The following SNTG2 variants were observed in gnomAD, a reference collection of about 807,000 sequenced individuals.
The protein encoded by SNTG2 is gamma-2-syntrophin.
SNTG2 carries 74 observed loss-of-function variants against 70.9 expected under a neutral mutation model. That is an observed-to-expected ratio of 1.04 (90% CI 0.86 to 1.27). SNTG2 has a LOEUF of 1.27. Among genes scored for constraint, SNTG2 ranks in the 50% most tolerant of loss-of-function variants. The probability of loss-of-function intolerance (pLI) is 0.00; values close to 1 mark genes in which losing one functional copy is unlikely to be tolerated. For missense variants in SNTG2, 717 were observed against 690.7 expected, an observed-to-expected ratio of 1.04 and a Z score of -0.43; for synonymous variants, 278 against 273.8, an observed-to-expected ratio of 1.02 and a Z score of -0.15.
intron 1 of SNTG2, among the ~76,000 whole-genome samples, chr2:1,023,914 G>A (rs1290902591): frequency 1.3e-5 from 2 of 152,216 alleles, no homozygotes; most frequent in African/African-American, 4.8e-5. Flanking sequence ...CCACGGATGA[G>A]CAACGTTACA....
chr2:1,287,587 C>T (rs929506156), intron 14 of SNTG2, among the ~76,000 whole-genome samples: 3 of 152,182 alleles, frequency 2.0e-5, no homozygotes, highest in South Asian at 2.1e-4. Flanking sequence ...CGGAGTGCTC[C>T]GTGCAGGTGG....
At chr2:990,196 C>G (rs1661444836) in intron 1 of SNTG2, among the ~76,000 whole-genome samples, 1 of 152,248 alleles carries the variant, frequency 6.6e-6, no homozygotes, top group Non-Finnish European at 1.5e-5. Context: ...GGCTGGACGT[C>G]CATGGCCATT....
chr2:1,177,423 A>T (rs887145874), intron 8 of SNTG2, among the ~76,000 whole-genome samples: 1 of 152,026 alleles, frequency 6.6e-6, no homozygotes, highest in African/African-American at 2.4e-5. Context: ...GCAAACCACC[A>T]TGGCACACGT....
At chr2:1,198,292 A>G (rs1020144069) in intron 8 of SNTG2, among the ~76,000 whole-genome samples, 4 of 152,150 alleles carry the variant, frequency 2.6e-5, no homozygotes, top group Non-Finnish European at 4.4e-5. Flanking sequence ...GGTAAAAAAC[A>G]TTATTGAAAC....
chr2:1,281,943 G>C (rs1228456605), intron 14 of SNTG2, among the ~76,000 whole-genome samples: 1 of 152,142 alleles, frequency 6.6e-6, no homozygotes, highest in African/African-American at 2.4e-5. Context: ...GCTCACGGCC[G>C]AGCCTTGTGA....
chr2:1,124,215 A>G (rs1203128353), intron 4 of SNTG2, among the ~76,000 whole-genome samples: 1 of 152,160 alleles, frequency 6.6e-6, no homozygotes, highest in African/African-American at 2.4e-5. Flanking sequence ...AAATCATAAC[A>G]TTATTTTTAC....
At chr2:1,062,262 G>C (rs13001971) in intron 1 of SNTG2, among the ~76,000 whole-genome samples, 26,924 of 152,136 alleles carry the variant, frequency 0.18, 2,456 homozygotes, top group South Asian at 0.22. Flanking sequence ...CCCACTCTCA[G>C]CCGTGCACCA....
intron 1 of SNTG2, among the ~76,000 whole-genome samples, chr2:1,037,382 C>T (rs894310867): frequency 6.6e-5 from 10 of 152,230 alleles, no homozygotes; most frequent in Admixed American, 1.3e-4. Flanking sequence ...CTGAGCCAGA[C>T]ATGGATTTAA....
chr2:1,144,822 C>T (rs899399443), intron 6 of SNTG2, among the ~76,000 whole-genome samples: 1 of 152,102 alleles, frequency 6.6e-6, no homozygotes, highest in African/African-American at 2.4e-5. Context: ...AGCTACAATC[C>T]AAGATGAGAT....
intron 15 of SNTG2, among the ~76,000 whole-genome samples, chr2:1,310,940 A>C (rs998898053): frequency 1.3e-5 from 2 of 152,356 alleles, no homozygotes; most frequent in Non-Finnish European, 2.9e-5. Flanking sequence ...CGTCCAACTC[A>C]GCTGAGCTCC....
intron 4 of SNTG2, among the ~76,000 whole-genome samples, chr2:1,112,638 CAT>C (rs768594762): frequency 2.7e-5 from 4 of 145,460 alleles, no homozygotes; most frequent in Admixed American, 6.7e-5. Context: ...TGAGGAGAAT[CAT>C]GTGTACTAAG....
At chr2:1,210,844 T>C (rs182414003) in intron 9 of SNTG2, among the ~76,000 whole-genome samples, 2 of 152,370 alleles carry the variant, frequency 1.3e-5, no homozygotes, top group East Asian at 3.9e-4. Flanking sequence ...CATAGTCGCA[T>C]GCTGTACTGG....
intron 1 of SNTG2, among the ~76,000 whole-genome samples, chr2:1,026,820 C>G (rs1660504122): frequency 6.6e-6 from 1 of 152,018 alleles, no homozygotes; most frequent in Admixed American, 6.6e-5. Flanking sequence ...TTGGCCTGCC[C>G]TTCCTCTTCC....
intron 1 of SNTG2, among the ~76,000 whole-genome samples, chr2:1,078,349 G>A (rs1362691702): frequency 2.6e-5 from 4 of 152,192 alleles, no homozygotes; most frequent in Non-Finnish European, 5.9e-5. Context: ...TGGGGATGGC[G>A]GAGTTCCGAT....
intron 1 of SNTG2, among the ~76,000 whole-genome samples, chr2:969,567 A>G (rs1467320144): frequency 2.0e-5 from 3 of 152,100 alleles, no homozygotes; most frequent in African/African-American, 7.2e-5. Context: ...CTTATTATAG[A>G]GATATTTCAC....
chr2:1,121,596 C>T (rs1281449686), intron 4 of SNTG2, among the ~76,000 whole-genome samples: 1 of 152,030 alleles, frequency 6.6e-6, no homozygotes, highest in Non-Finnish European at 1.5e-5. Context: ...GCTGGGGAGG[C>T]GTCAGAAGAC....
chr2:1,111,339 G>C (rs529313405), intron 4 of SNTG2, among the ~76,000 whole-genome samples: 25 of 152,354 alleles, frequency 1.6e-4, no homozygotes, highest in Non-Finnish European at 2.5e-4. Flanking sequence ...GTAACAAGAG[G>C]CTTCCTCCTC....
chr2:1,230,834 A>G (rs1272475087), intron 9 of SNTG2, among the ~76,000 whole-genome samples: 3 of 152,206 alleles, frequency 2.0e-5, no homozygotes, highest in East Asian at 1.9e-4. Flanking sequence ...TGCCTCTTCC[A>G]TAGGGTCACT....
intron 14 of SNTG2, among the ~76,000 whole-genome samples, chr2:1,287,544 T>C (rs1679812739): frequency 6.6e-6 from 1 of 151,406 alleles, no homozygotes; most frequent in Admixed American, 6.6e-5. Flanking sequence ...CTGCATCTGG[T>C]TGAGCAGGGG....
Sources: gnomAD v4.1 joint callset for allele counts (sites outside exome capture counted in the v4.1 genomes callset) on GRCh38, gnomAD v4.1.1 for gene constraint, MANE v1.5 for transcripts, NCBI Gene and HGNC (gene_info 2026-07-23, HGNC 2026-07-21) for gene names.